SPATS2: variants seen among roughly 807,000 people sequenced by gnomAD.
The protein encoded by SPATS2 is spermatogenesis associated serine rich 2, also known as spermatogenesis-associated serine-rich protein 2.
SPATS2 carries 38 observed loss-of-function variants against 63.7 expected under a neutral mutation model. That is an observed-to-expected ratio of 0.60 (90% CI 0.46 to 0.78). The LOEUF is 0.78. SPATS2 is among the 30% of genes least tolerant of loss of function. The probability of loss-of-function intolerance (pLI) is 0.00; values close to 1 mark genes in which losing one functional copy is unlikely to be tolerated. For missense variants in SPATS2, 588 were observed against 666.2 expected, an observed-to-expected ratio of 0.88 and a Z score of 1.29; for synonymous variants, 207 against 232.9, an observed-to-expected ratio of 0.89 and a Z score of 1.01.
At chr12:49,474,361 T>C (rs1946085553) in intron 3 of SPATS2, among the ~76,000 whole-genome samples, 2 of 152,196 alleles carry the variant, frequency 1.3e-5, no homozygotes, top group African/African-American at 4.8e-5. Context: ...TGAAGGTTAA[T>C]GAGTGAAGAG....
Position 49,526,080 on chromosome 12 carries a change from A to G in SPATS2, c.1463A>G (p.Tyr488Cys). The G allele has an allele frequency of 2.5e-6, 4 of 1,614,234 alleles. No homozygotes were observed. Among genetic ancestry groups the G allele is most frequent in the Non-Finnish European group, 2.5e-6 (3 of 1,180,044 alleles). The change falls in exon 14 of 14, where the codon TAT becomes TGT. Residue 488 changes from tyrosine (Y) to cysteine (C), a missense_variant. By Grantham distance (194) the Tyr-to-Cys change is radical. Coordinates refer to ENST00000552918, the MANE Select transcript of SPATS2 (RefSeq NM_023071.4). ...TCGTGGTATTCATCTGGTTCCAGGT[A>G]TCAGAGTGCTCCATCTCAGGCACCA... ...NSSWYSSGSRYQSAPSQAPGN... is the reference protein window; with the variant it reads ...NSSWYSSGSRCQSAPSQAPGN...
At chr12:49,450,280 C>T (rs1374618910) in intron 2 of SPATS2, among the ~76,000 whole-genome samples, 2 of 151,498 alleles carry the variant, frequency 1.3e-5, no homozygotes, top group African/African-American at 2.4e-5. Flanking sequence ...GATGGAGTCT[C>T]GCTCTTTTGC....
intron 2 of SPATS2, among the ~76,000 whole-genome samples, chr12:49,450,932 G>A (rs1054659575): frequency 1.3e-5 from 2 of 151,052 alleles, no homozygotes; most frequent in Non-Finnish European, 2.9e-5. Context: ...GCAGTTACAC[G>A]ATCTCGGCTC....
intron 3 of SPATS2, among the ~76,000 whole-genome samples, chr12:49,467,215 A>ATTTTTTTTTTTTTTT (rs35462676): frequency 1.7e-5 from 2 of 119,946 alleles, no homozygotes; most frequent in African/African-American, 3.1e-5. Flanking sequence ...TGCCTGGCTA[A>ATTTTTTTTTTTTTTT]TTTTTTTTTT....
intron 2 of SPATS2, among the ~76,000 whole-genome samples, chr12:49,431,585 CATT>C (rs1945187229): frequency 6.6e-6 from 1 of 152,286 alleles, no homozygotes; most frequent in Non-Finnish European, 1.5e-5. Context: ...ACAGTATTCT[CATT>C]ATGTGGACAG....
chr12:49,497,228 G>C (rs1481246246), intron 8 of SPATS2, among the ~76,000 whole-genome samples: 1 of 152,064 alleles, frequency 6.6e-6, no homozygotes, highest in Non-Finnish European at 1.5e-5. Context: ...TACTTACGAC[G>C]GCACGTTTTG....
At chr12:49,408,002 G>A (rs1264925363) in intron 2 of SPATS2, among the ~76,000 whole-genome samples, 1 of 152,204 alleles carries the variant, frequency 6.6e-6, no homozygotes, top group Admixed American at 6.5e-5. Context: ...TTGACACAAA[G>A]CAGACGACTG....
chr12:49,394,765 C>T (rs1592355770), intron 2 of SPATS2, among the ~76,000 whole-genome samples: 1 of 152,080 alleles, frequency 6.6e-6, no homozygotes, highest in South Asian at 2.1e-4. Context: ...ATGATCATGT[C>T]ATCTATGAAT....
intron 2 of SPATS2, among the ~76,000 whole-genome samples, chr12:49,437,201 C>G (rs1945324863): frequency 6.6e-6 from 1 of 151,120 alleles, no homozygotes; most frequent in African/African-American, 2.4e-5. Context: ...ACGGGGCGGC[C>G]GGGCAGAGAC....
chr12:49,434,822 T>C (rs1238022361), intron 2 of SPATS2, among the ~76,000 whole-genome samples: 1 of 152,160 alleles, frequency 6.6e-6, no homozygotes, highest in East Asian at 1.9e-4. Context: ...CAAATCTTGT[T>C]TTATCATTTA....
chr12:49,409,178 G>A (rs1487524000), intron 2 of SPATS2, among the ~76,000 whole-genome samples: 1 of 152,194 alleles, frequency 6.6e-6, no homozygotes, highest in Non-Finnish European at 1.5e-5. Context: ...CTGGGAAATG[G>A]TGCTGCTTCT....
intron 2 of SPATS2, among the ~76,000 whole-genome samples, chr12:49,374,212 C>T (rs903170571): frequency 2.0e-5 from 3 of 152,078 alleles, no homozygotes; most frequent in African/African-American, 7.2e-5. Flanking sequence ...TTCACTGCGT[C>T]CTTGAACTCC....
At chr12:49,512,583 A>G (rs1227310521) in intron 9 of SPATS2, among the ~76,000 whole-genome samples, 3 of 152,250 alleles carry the variant, frequency 2.0e-5, no homozygotes, top group Admixed American at 6.5e-5. Context: ...ATGTACTAGC[A>G]CAAATTTCCA....
At chr12:49,392,737 A>C (rs1317222205) in intron 2 of SPATS2, among the ~76,000 whole-genome samples, 1 of 151,886 alleles carries the variant, frequency 6.6e-6, no homozygotes, top group Non-Finnish European at 1.5e-5. Flanking sequence ...AACAAAAAGA[A>C]ATATTTCAAA....
chr12:49,451,692 C>A (rs1945626314), intron 2 of SPATS2, among the ~76,000 whole-genome samples: 1 of 152,178 alleles, frequency 6.6e-6, no homozygotes, highest in South Asian at 2.1e-4. Context: ...TATGTACCTA[C>A]ATATTTGCTT....
intron 2 of SPATS2, among the ~76,000 whole-genome samples, chr12:49,404,646 A>G (rs979500612): frequency 6.6e-6 from 1 of 152,128 alleles, no homozygotes; most frequent in Non-Finnish European, 1.5e-5. Flanking sequence ...ATAGGGGAGA[A>G]TAGTTATGTG....
At chr12:49,478,541 G>A (rs1946155819) in intron 3 of SPATS2, among the ~76,000 whole-genome samples, 1 of 152,134 alleles carries the variant, frequency 6.6e-6, no homozygotes, top group Admixed American at 6.5e-5. Context: ...TCAGTCTGAA[G>A]GAGAACTTCA....
chr12:49,510,139 C>T (rs1260830592), intron 9 of SPATS2, among the ~76,000 whole-genome samples: 2 of 150,652 alleles, frequency 1.3e-5, no homozygotes, highest in Non-Finnish European at 3.0e-5. Flanking sequence ...TAGCACACAC[C>T]TTTAATCCTA....
At chr12:49,368,019 A>G (rs909516590) in intron 1 of SPATS2, among the ~76,000 whole-genome samples, 1 of 152,200 alleles carries the variant, frequency 6.6e-6, no homozygotes, top group Non-Finnish European at 1.5e-5. Context: ...GGCAATAATG[A>G]GATTTGAAAA....
Sources: allele counts gnomAD v4.1 joint callset (sites outside exome capture counted in the v4.1 genomes callset), GRCh38; gene constraint gnomAD v4.1.1; transcripts MANE v1.5; gene names NCBI Gene and HGNC (gene_info 2026-07-23, HGNC 2026-07-21).